The following ADGRL2 variants were observed in gnomAD, a reference collection of about 807,000 sequenced individuals.
ADGRL2 encodes adhesion G protein-coupled receptor L2.
ADGRL2 carries 44 observed loss-of-function variants against 157.4 expected under a neutral mutation model. The ratio of observed to expected loss-of-function variants is 0.28; its 90% CI spans 0.22 to 0.36. The LOEUF (loss-of-function observed/expected upper bound fraction) is 0.36, where lower values mean the gene tolerates loss of function less well. Among genes scored for constraint, ADGRL2 ranks in the 10% least tolerant of loss-of-function variants. The pLI is 1.00. For missense variants in ADGRL2, 1,510 were observed against 1,768.9 expected, an observed-to-expected ratio of 0.85 and a Z score of 2.63; for synonymous variants, 585 against 624.7, an observed-to-expected ratio of 0.94 and a Z score of 0.95.
chr1:81,684,867 C>A (rs2083196775), intron 3 of ADGRL2, among the ~76,000 whole-genome samples: 1 of 152,174 alleles, frequency 6.6e-6, no homozygotes, highest in South Asian at 2.1e-4. Context: ...CAATTATAAT[C>A]CCAGCACCAT....
chr1:81,794,576 C>T lies in ADGRL2; in HGVS notation c.-101+32724C>T, dbSNP rs139095941. On this transcript the variant is annotated intron_variant, in intron 2 of 20. Transcript: ENST00000359929. ...TTCATTAAATATTACTTAACAAAAC[C>T]TTATCATTACTGAATCCTTTCAGTG... 1.5e-3 allele frequency among the ~76,000 whole-genome samples: 230 copies of T among 152,222 alleles called. 4 individuals are homozygous for T. The East Asian group carries it at 0.028, about 18-fold the overall frequency.
chr1:81,665,092 G>A (rs1471393980), intron 3 of ADGRL2, among the ~76,000 whole-genome samples: 3 of 152,138 alleles, frequency 2.0e-5, no homozygotes, highest in African/African-American at 7.2e-5. Context: ...TCAAGGCACA[G>A]TGATGGCAGA....
At chr1:81,694,071 A>G (rs2083395425) in intron 3 of ADGRL2, among the ~76,000 whole-genome samples, 2 of 152,226 alleles carry the variant, frequency 1.3e-5, no homozygotes, top group Admixed American at 1.3e-4. Flanking sequence ...GCTGAGTCCT[A>G]AGGGACATAA....
chr1:81,646,096 T>A (rs1446128809), intron 3 of ADGRL2, among the ~76,000 whole-genome samples: 1 of 152,192 alleles, frequency 6.6e-6, no homozygotes, highest in Non-Finnish European at 1.5e-5. Flanking sequence ...GCAGTGTCCT[T>A]CCCGACTCCC....
At chr1:81,427,322 C>T in intron 1 of ADGRL2, 1 of 725,064 alleles carries the variant, frequency 1.4e-6, no homozygotes, top group Admixed American at 1.8e-5. Flanking sequence ...TGACAGTCGT[C>T]CTGGTTATAG....
intron 2 of ADGRL2, among the ~76,000 whole-genome samples, chr1:81,528,668 A>AG (rs2079528811): frequency 6.7e-6 from 1 of 149,954 alleles, no homozygotes. Context: ...AAAAAAAAAA[A>AG]AAAAAAAGAA....
At chr1:81,493,162 T>C (rs1242783380) in intron 2 of ADGRL2, among the ~76,000 whole-genome samples, 1 of 152,200 alleles carries the variant, frequency 6.6e-6, no homozygotes, top group East Asian at 1.9e-4. Context: ...GTTTGTGAAA[T>C]GTATTTCAGG....
At chr1:81,712,793 A>C (rs61773256) in intron 1 of ADGRL2, among the ~76,000 whole-genome samples, 60,671 of 127,238 alleles carry the variant, frequency 0.48, 13,441 homozygotes, top group Admixed American at 0.59. Context: ...GACAGAGTTT[A>C]GCTCTGCTGC....
chr1:81,585,491 T>C (rs1046247852), intron 3 of ADGRL2, among the ~76,000 whole-genome samples: 1 of 152,154 alleles, frequency 6.6e-6, no homozygotes, highest in African/African-American at 2.4e-5. Context: ...TGTTTGTTCT[T>C]TCAGAGTATG....
At chr1:81,306,597 C>T (rs1659351303) in intron 1 of ADGRL2, 1 of 152,064 alleles carries the variant, frequency 6.6e-6, no homozygotes, top group African/African-American at 2.4e-5. Context: ...TATATTGTTG[C>T]TGGCATTAGG....
chr1:81,822,070 C>T (rs2091038996), intron 1 of ADGRL2, among the ~76,000 whole-genome samples: 1 of 124,676 alleles, frequency 8.0e-6, no homozygotes, highest in African/African-American at 3.1e-5. Context: ...GTTTAATTCC[C>T]AGTGTGGAAT....
chr1:81,391,349 C>A (rs537952668), intron 1 of ADGRL2, among the ~76,000 whole-genome samples: 1 of 151,950 alleles, frequency 6.6e-6, no homozygotes, highest in Admixed American at 6.5e-5. Flanking sequence ...AGCTGCTCTG[C>A]GATTTTACTA....
At chr1:81,906,617 A>G (rs929763384) in intron 2 of ADGRL2, among the ~76,000 whole-genome samples, 2 of 151,972 alleles carry the variant, frequency 1.3e-5, no homozygotes, top group Non-Finnish European at 2.9e-5. Context: ...ATAAGAAAGT[A>G]AGGCCAGTGG....
At position 81,806,260 on chromosome 1, in the gene ADGRL2, A is replaced by C. The variant is rs897357788; in HGVS notation, c.-101+5192A>C. ...ATCAAAGCAGGCAACAAAACTTCCA[A>C]ATGTTATAAAAACTAATGTAAATAT... On this transcript the variant is annotated intron_variant, in intron 1 of 23. Coordinates refer to ENST00000686636, the MANE Select transcript of ADGRL2 (RefSeq NM_001366006.2). Among the ~76,000 whole-genome samples the C allele has an allele frequency of 1.6e-4, 24 of 152,062 alleles. 1 individual carries two copies.
At chr1:81,361,784 T>C (rs1471187551) in intron 1 of ADGRL2, among the ~76,000 whole-genome samples, 1 of 151,918 alleles carries the variant, frequency 6.6e-6, no homozygotes, top group Non-Finnish European at 1.5e-5. Context: ...CAGTACCTAT[T>C]ATATACAGGG....
intron 2 of ADGRL2, chr1:81,557,002 G>A (rs898685609): frequency 1.9e-4 from 32 of 166,580 alleles, no homozygotes; most frequent in Non-Finnish European, 2.4e-4. Flanking sequence ...TGCTTGAACC[G>A]GGGAGGCGGA....
intron 2 of ADGRL2, among the ~76,000 whole-genome samples, chr1:81,869,625 A>T: frequency 6.6e-6 from 1 of 152,112 alleles, no homozygotes; most frequent in East Asian, 1.9e-4. Context: ...GTTTATAAAT[A>T]ATTACAGTTT....
intron 1 of ADGRL2, among the ~76,000 whole-genome samples, chr1:81,335,717 C>A (rs1661588324): frequency 6.6e-6 from 1 of 152,044 alleles, no homozygotes; most frequent in Non-Finnish European, 1.5e-5. Context: ...ATTTCTTTCA[C>A]CATCTGTCAG....
At chr1:81,859,235 T>A (rs1034134146) in intron 2 of ADGRL2, among the ~76,000 whole-genome samples, 6 of 152,158 alleles carry the variant, frequency 3.9e-5, no homozygotes, top group African/African-American at 1.4e-4. Flanking sequence ...TTTGTATACA[T>A]GTATTTATTT....
Sources: allele counts gnomAD v4.1 joint callset (sites outside exome capture counted in the v4.1 genomes callset), GRCh38; gene constraint gnomAD v4.1.1; transcripts MANE v1.5; gene names NCBI Gene and HGNC (gene_info 2026-07-23, HGNC 2026-07-21).